Variants in GPHN observed in about 807,000 individuals in gnomAD.
GPHN encodes the protein gephyrin.
Under a neutral mutation model 95.5 loss-of-function variants are expected in GPHN, and 17 were observed. That is an observed-to-expected ratio of 0.18 (90% CI 0.12 to 0.27). The LOEUF (loss-of-function observed/expected upper bound fraction) is 0.27, where lower values mean the gene tolerates loss of function less well. GPHN is among the 10% of genes least tolerant of loss of function. The probability of loss-of-function intolerance (pLI) is 1.00; values close to 1 mark genes in which losing one functional copy is unlikely to be tolerated. For missense variants in GPHN, 660 were observed against 978.1 expected (o/e 0.67, Z 4.34); for synonymous variants, 320 against 322.5 (o/e 0.99, Z 0.08).
the GPHN span, among the ~76,000 whole-genome samples, chr14:67,431,391 CAAAAAAAAA>C: frequency 4.4e-4 from 34 of 77,506 alleles, no homozygotes; most frequent in African/African-American, 9.1e-4. Context: ...GACTCTGTCT[CAAAAAAAAA>C]AAAAAAAAAA....
At chr14:66,804,102 A>G (rs772453679) in intron 3 of GPHN, among the ~76,000 whole-genome samples, 1 of 152,134 alleles carries the variant, frequency 6.6e-6, no homozygotes, top group Non-Finnish European at 1.5e-5. Flanking sequence ...AAAGACTCAT[A>G]TTGGCCATAG....
intron 3 of GPHN, among the ~76,000 whole-genome samples, chr14:66,802,383 G>T (rs2060388956): frequency 6.6e-6 from 1 of 152,136 alleles, no homozygotes; most frequent in Non-Finnish European, 1.5e-5. Context: ...CTCTGGCCCA[G>T]GGCATGTCCC....
the GPHN span, among the ~76,000 whole-genome samples, chr14:67,655,819 G>C: frequency 6.6e-6 from 1 of 152,150 alleles, no homozygotes; most frequent in African/African-American, 2.4e-5. Flanking sequence ...ATTAATTTCT[G>C]TAATCTTGTA....
the GPHN span, among the ~76,000 whole-genome samples, chr14:67,595,590 G>A: frequency 6.6e-6 from 1 of 152,200 alleles, no homozygotes; most frequent in Admixed American, 6.5e-5. Context: ...CACAACTCTG[G>A]CCAATGAAAT....
chr14:66,710,332 G>C (rs956304211), intron 2 of GPHN, among the ~76,000 whole-genome samples: 1 of 152,038 alleles, frequency 6.6e-6, no homozygotes, highest in African/African-American at 2.4e-5. Context: ...CCAAGGCGTG[G>C]AATCTGAGAA....
the GPHN span, among the ~76,000 whole-genome samples, chr14:67,465,178 T>C: frequency 6.6e-6 from 1 of 152,236 alleles, no homozygotes; most frequent in South Asian, 2.1e-4. Flanking sequence ...GGACTGGGTT[T>C]GTAAACTGAA....
At chr14:67,112,215 C>T (rs544386684) in intron 15 of GPHN, among the ~76,000 whole-genome samples, 1 of 152,226 alleles carries the variant, frequency 6.6e-6, no homozygotes, top group East Asian at 1.9e-4. Context: ...TACCCAATCC[C>T]ATCCCTAAAT....
chr14:67,225,187 CA>C, the GPHN span: 1 of 1,569,388 alleles, frequency 6.4e-7, no homozygotes, highest in East Asian at 2.3e-5. Context: ...GCCCCTTTCT[CA>C]AGGGAATGAA....
chr14:67,342,213 TAAAA>T, the GPHN span, among the ~76,000 whole-genome samples: 20,790 of 119,584 alleles, frequency 0.17, 3,024 homozygotes, highest in East Asian at 0.46. Context: ...AATAAATAAA[TAAAA>T]TAAAATAAAA....
chr14:67,127,787 G>C (rs1308216538), intron 17 of GPHN, among the ~76,000 whole-genome samples: 1 of 152,134 alleles, frequency 6.6e-6, no homozygotes, highest in Non-Finnish European at 1.5e-5. Context: ...GAAGGTTCCA[G>C]AACTTAAACT....
the GPHN span, chr14:67,725,285 G>A: frequency 6.2e-7 from 1 of 1,611,490 alleles, no homozygotes; most frequent in African/African-American, 1.3e-5. Context: ...TAGAAAAGCA[G>A]GAAATTGGGT....
chr14:67,347,998 C>T, the GPHN span, among the ~76,000 whole-genome samples: 2 of 151,804 alleles, frequency 1.3e-5, no homozygotes, highest in Admixed American at 6.6e-5. Context: ...CTGCAACCAC[C>T]GCCTCCTGGG....
the GPHN span, among the ~76,000 whole-genome samples, chr14:67,218,508 G>A: frequency 1.3e-5 from 2 of 152,166 alleles, no homozygotes; most frequent in African/African-American, 4.8e-5. Context: ...TTGGCAGCCT[G>A]GGGCATGTCA....
the GPHN span, among the ~76,000 whole-genome samples, chr14:67,330,982 T>G: frequency 6.6e-6 from 1 of 152,156 alleles, no homozygotes; most frequent in Admixed American, 6.5e-5. Context: ...ATTCCACAGT[T>G]TTTGGTGTAG....
At chr14:67,694,487 CACAT>C in the GPHN span, among the ~76,000 whole-genome samples, 7 of 146,112 alleles carry the variant, frequency 4.8e-5, no homozygotes, top group African/African-American at 1.3e-4. Flanking sequence ...TACACACACA[CACAT>C]ATATATATAT....
rs1049959844 is a variant in GPHN, at chr14:67,179,734, T to C, written c.2176+60T>C. The C allele has an allele frequency of 2.9e-5, 25 of 874,420 alleles. No individual in the cohort carries two copies. In the East Asian group the frequency reaches 5.8e-4, roughly 20 times the overall value. 54.2% of individuals were successfully genotyped at this position (874,420 alleles called of 1,614,324 possible). ...CCTATCCTGTTAAAACACAAACTTA[T>C]ATATAATCTTCCTTGGTTATGACTG... is the stretch of plus-strand genomic sequence containing the variant. On this transcript the variant is annotated intron_variant, in intron 22 of 22. Coordinates refer to ENST00000478722, the MANE Select transcript of GPHN (RefSeq NM_020806.5).
chr14:66,648,778 A>G (rs2064887224), intron 1 of GPHN, among the ~76,000 whole-genome samples: 1 of 152,220 alleles, frequency 6.6e-6, no homozygotes. Flanking sequence ...AGGTGATTAA[A>G]TACCAAAATA....
chr14:66,572,431 T>G (rs964345187), intron 1 of GPHN, among the ~76,000 whole-genome samples: 1 of 152,110 alleles, frequency 6.6e-6, no homozygotes, highest in African/African-American at 2.4e-5. Flanking sequence ...TGTGCGTGTT[T>G]CGTACTTTTC....
intron 16 of GPHN, 46 bp downstream of exon 16, chr14:67,113,217 T>A (rs1203144041): frequency 6.7e-7 from 1 of 1,500,692 alleles, no homozygotes; most frequent in Admixed American, 1.7e-5. Context: ...GCCCATAAGA[T>A]AAAGGTATTT....
Sources: gnomAD v4.1 joint callset for allele counts (sites outside exome capture counted in the v4.1 genomes callset) on GRCh38, gnomAD v4.1.1 for gene constraint, MANE v1.5 for transcripts, NCBI Gene and HGNC (gene_info 2026-07-23, HGNC 2026-07-21) for gene names.